Variants in KYAT1 observed in about 807,000 individuals in gnomAD.
KYAT1 encodes kynurenine--oxoglutarate transaminase 1.
In KYAT1, 47 loss-of-function variants were observed where a neutral mutation model predicts 52.4. The ratio of observed to expected loss-of-function variants is 0.90; its 90% CI spans 0.71 to 1.14. The LOEUF (loss-of-function observed/expected upper bound fraction) is 1.14. Ranked by LOEUF, KYAT1 falls within the 50% of genes most tolerant of loss-of-function variation. The pLI is 0.00. For missense variants in KYAT1, 480 were observed against 557.9 expected (o/e 0.86, Z 1.41); for synonymous variants, 212 against 209.6 (o/e 1.01, Z -0.10).
At chr9:128,865,359 A>ATTTTTTTTTTTTT (rs776787253) in intron 1 of KYAT1, among the ~76,000 whole-genome samples, 7 of 27,304 alleles carry the variant, frequency 2.6e-4, no homozygotes, top group Non-Finnish European at 3.2e-4. Flanking sequence ...ATATATATAT[A>ATTTTTTTTTTTTT]TTTTTTTTTT....
intron 1 of KYAT1, among the ~76,000 whole-genome samples, chr9:128,850,553 G>C (rs551386103): frequency 6.6e-6 from 1 of 152,232 alleles, no homozygotes; most frequent in African/African-American, 2.4e-5. Context: ...AAAGCCACAG[G>C]GACCTCTGCC....
intron 1 of KYAT1, among the ~76,000 whole-genome samples, chr9:128,861,451 C>T (rs181399458): frequency 3.3e-5 from 5 of 152,302 alleles, no homozygotes; most frequent in African/African-American, 1.2e-4. Flanking sequence ...TTCCTGAGGC[C>T]TCCCCAGCCA....
rs556551030 is a variant in KYAT1 at position 128,872,723 on chromosome 9, C to T, written c.-7+9174G>A. ...CGGAGGTTGCAGTGAGCCAAGATCG[C>T]ACCGTTTGCACTCTAGCCTGGGTGA... On this transcript the variant is annotated intron_variant, in intron 1 of 12. Transcript: ENST00000302586. 6.0e-5 allele frequency among the ~76,000 whole-genome samples: 9 copies of T among 150,990 alleles called. No individual in the cohort carries two copies. In the South Asian group the frequency reaches 6.3e-4, roughly 11 times the overall value.
intron 1 of KYAT1, among the ~76,000 whole-genome samples, chr9:128,870,555 T>C (rs956333739): frequency 1.3e-5 from 2 of 152,138 alleles, no homozygotes; most frequent in African/African-American, 4.8e-5. Flanking sequence ...GAGGATCGCT[T>C]GAGCCTGGGA....
At chr9:128,858,932 C>G (rs1427384614) in intron 1 of KYAT1, among the ~76,000 whole-genome samples, 1 of 143,098 alleles carries the variant, frequency 7.0e-6, no homozygotes, top group Non-Finnish European at 1.5e-5. Context: ...TGCTTGGAGG[C>G]TAAAGTGAGC....
chr9:128,847,672 CAACAACAACAAT>C, intron 1 of KYAT1: 1 of 577,576 alleles, frequency 1.7e-6, no homozygotes. Context: ...ACAACAACAA[CAACAACAACAAT>C]ATGGTCATTG....
chr9:128,870,216 G>C (rs1007321289), intron 1 of KYAT1, among the ~76,000 whole-genome samples: 2 of 151,904 alleles, frequency 1.3e-5, no homozygotes, highest in Admixed American at 6.6e-5. Context: ...ATAGCCAACA[G>C]GTGAAAAAAA....
intron 7 of KYAT1, among the ~76,000 whole-genome samples, chr9:128,836,319 G>T (rs568612703): frequency 1.4e-3 from 141 of 102,500 alleles, no homozygotes; most frequent in South Asian, 4.7e-3. Context: ...TTTTTTTTGA[G>T]ATGGAGTCTC....
At position 128,836,877 on chromosome 9, in the gene KYAT1, G is replaced by T; in HGVS notation, c.613C>A (p.Gln205Lys). Residue 205 changes from glutamine to lysine, a missense_variant, in exon 7 of 13, where the codon CAG (glutamine) becomes AAG (lysine). Physicochemically the swap from Gln to Lys is moderately conservative, Grantham distance 53. Coordinates refer to ENST00000302586, the MANE Select transcript of KYAT1 (RefSeq NM_004059.5). ...TCAGTGATACACACCACGTCATGCT[G>T]CTGGCAAAGGCTGGCCACCAGCTCC... ...ELELVASLCQQHDVVCITDEV... is the reference protein window; with the variant it reads ...ELELVASLCQKHDVVCITDEV... The T allele has an allele frequency of 6.2e-7, 1 of 1,613,804 alleles. No individual in the cohort carries two copies. Among genetic ancestry groups the T allele is most frequent in the Non-Finnish European group, 8.5e-7 (1 of 1,179,980 alleles).
intron 1 of KYAT1, among the ~76,000 whole-genome samples, chr9:128,868,982 G>C (rs1836831990): frequency 1.3e-5 from 2 of 152,116 alleles, no homozygotes; most frequent in Admixed American, 1.3e-4. Flanking sequence ...AGGATTACAG[G>C]TGTGAGCCAC....
intron 1 of KYAT1, among the ~76,000 whole-genome samples, chr9:128,855,267 C>T (rs1042440748): frequency 3.3e-5 from 5 of 152,108 alleles, no homozygotes; most frequent in African/African-American, 9.7e-5. Flanking sequence ...CCCACTAATC[C>T]GGCCTATGAT....
rs751927198 is a variant in KYAT1 at position 128,836,890 on chromosome 9, G to A, written c.600C>T (p.Ala200=). Residue 200 remains alanine (A), a synonymous_variant, in exon 7 of 13, where the codon GCC becomes GCT. Coordinates refer to ENST00000302586, the MANE Select transcript of KYAT1 (RefSeq NM_004059.5). ...CCACGTCATGCTGCTGGCAAAGGCT[G>A]GCCACCAGCTCCAGCTCTTCCCTGG... ...VFSREELELV[A]SLCQQHDVVC... 1.1e-5 allele frequency: 18 copies of A among 1,613,584 alleles called. No individual in the cohort carries two copies. The highest frequency in any genetic ancestry group is 4.0e-5 in the African/African-American group (3 of 74,914).
At chr9:128,837,979 C>T in intron 5 of KYAT1, 72 bp downstream of exon 5, 2 of 1,549,726 alleles carry the variant, frequency 1.3e-6, no homozygotes, top group South Asian at 1.1e-5. Flanking sequence ...CCTCCTTTTC[C>T]AACTCCCAGG....
chr9:128,847,684 T>C lies in KYAT1; in HGVS notation c.-6-2273A>G, dbSNP rs117803883. 1,128 of 508,192 alleles carry C rather than the reference T, an allele frequency of 2.2e-3. 3 individuals are homozygous for C. The highest frequency in any genetic ancestry group is 2.6e-3 in the Middle Eastern group (5 of 1,912). 31.5% of individuals were successfully genotyped at this position (508,192 alleles called of 1,614,324 possible). ...ACAACAACAACAACAACAACAACAA[T>C]ATGGTCATTGCGTGCCAGGAATAGC... On this transcript the variant is annotated intron_variant, in intron 1 of 12. Coordinates refer to ENST00000302586, the MANE Select transcript of KYAT1 (RefSeq NM_004059.5).
chr9:128,847,534 C>T, intron 1 of KYAT1: 1 of 1,534,072 alleles, frequency 6.5e-7, no homozygotes, highest in South Asian at 1.2e-5. Context: ...AACATGCCTC[C>T]CAGAGCCTTG....
chr9:128,855,950 A>G (rs1249125015), intron 1 of KYAT1, among the ~76,000 whole-genome samples: 1 of 152,232 alleles, frequency 6.6e-6, no homozygotes, highest in African/African-American at 2.4e-5. Flanking sequence ...CTCAGACTCA[A>G]ATAGACCAAA....
At chr9:128,858,450 C>A (rs1021571436) in intron 1 of KYAT1, among the ~76,000 whole-genome samples, 2 of 121,364 alleles carry the variant, frequency 1.6e-5, no homozygotes, top group Non-Finnish European at 3.2e-5. Flanking sequence ...GTAATCACAG[C>A]ACTTTGGGAG....
intron 9 of KYAT1, 27 bp downstream of exon 9, chr9:128,835,752 C>A: frequency 1.2e-6 from 2 of 1,606,620 alleles, no homozygotes; most frequent in Non-Finnish European, 1.7e-6. Context: ...TCCCCCCACT[C>A]CCCCGTGACG....
chr9:128,880,590 C>T (rs1033287495), intron 1 of KYAT1, among the ~76,000 whole-genome samples: 2 of 151,938 alleles, frequency 1.3e-5, no homozygotes, highest in African/African-American at 4.8e-5. Context: ...CACAGGCGCT[C>T]GCCACCACAC....
Sources: allele counts gnomAD v4.1 joint callset (sites outside exome capture counted in the v4.1 genomes callset), GRCh38; gene constraint gnomAD v4.1.1; transcripts MANE v1.5; gene names NCBI Gene and HGNC (gene_info 2026-07-23, HGNC 2026-07-21).